Variants in BMP4 observed in about 807,000 individuals in gnomAD.
BMP4 encodes bone morphogenetic protein 2B.
BMP4 carries 3 observed loss-of-function variants against 29.6 expected under a neutral mutation model. The observed-to-expected ratio is 0.10, with a 90% CI of 0.05 to 0.26. The LOEUF is 0.26. Ranked by LOEUF, BMP4 falls within the 10% of genes least tolerant of loss-of-function variation. BMP4 has a pLI of 1.00. For missense variants in BMP4, 455 were observed against 550.2 expected (o/e 0.83, Z 1.73); for synonymous variants, 197 against 213.2 (o/e 0.92, Z 0.66).
chr14:53,952,045 T>A lies in BMP4; in HGVS notation c.178A>T (p.Thr60Ser), dbSNP rs1382742836. 6.2e-7 allele frequency: 1 copy of A among 1,614,090 alleles called. No homozygotes were observed. The highest frequency in any genetic ancestry group is 1.1e-5 in the South Asian group (1 of 91,090). ...SHELLRDFEA[T>S]LLQMFGLRRR... ...CGCAGCCCAAACATCTGCAGAAGTG[T>A]CGCCTCGAAGTCCCGCAGGAGCTCA... The change falls in exon 3 of 4, where the codon ACA (threonine) becomes TCA (serine). Residue 60 changes from threonine to serine, a missense_variant. Physicochemically the swap from Thr to Ser is moderately conservative, Grantham distance 58. Coordinates refer to ENST00000245451, the MANE Select transcript of BMP4 (RefSeq NM_001202.6).
At chr14:53,952,902 C>A (rs773128148) in intron 2 of BMP4, among the ~76,000 whole-genome samples, 10 of 152,132 alleles carry the variant, frequency 6.6e-5, no homozygotes, top group Non-Finnish European at 1.2e-4. Flanking sequence ...GAGACGATTC[C>A]GGAGAGACCT....
chr14:53,953,820 G>A (rs1254783726), intron 1 of BMP4, among the ~76,000 whole-genome samples: 1 of 152,022 alleles, frequency 6.6e-6, no homozygotes, highest in East Asian at 1.9e-4. Flanking sequence ...CGGCTTAAGT[G>A]GGGCCGGGAG....
chr14:53,951,955 GA>G lies in BMP4; in HGVS notation c.267del (p.Gln90SerfsTer28). The G allele has an allele frequency of 6.2e-7, 1 of 1,610,492 alleles. No homozygotes were observed. ...IPDYMRDLYR[L>X]QSGEEEEEQI... ...TGCTCTTCCTCCTCCTCCCCAGACT[GA>G]AGCCGGTAAAGATCCCGCATGTAGT... On this transcript the variant is annotated frameshift_variant, in exon 3 of 4. Coordinates refer to ENST00000245451, the MANE Select transcript of BMP4 (RefSeq NM_001202.6). LOFTEE classifies it high-confidence loss of function.
chr14:53,953,298 T>TAACA lies in BMP4; in HGVS notation c.-34_-31dup. The TAACA allele has an allele frequency of 2.5e-6, 1 of 399,060 alleles. No homozygotes were observed. The highest frequency in any genetic ancestry group is 4.4e-6 in the Non-Finnish European group (1 of 226,100). The allele number at this position is 399,060 out of a possible 1,614,324, so 24.7% of individuals were successfully genotyped here. On this transcript the variant is annotated 5_prime_UTR_variant, in exon 2 of 4. Coordinates refer to ENST00000245451, the MANE Select transcript of BMP4 (RefSeq NM_001202.6). ...CACTGACAGAAAACAAGGCATATAA[T>TAACA]AACAGTCCATGATTCTTGACAGCCA... is the stretch of plus-strand genomic sequence containing the variant.
chr14:53,949,971 T>A lies in BMP4; in HGVS notation c.*61A>T, dbSNP rs545335907. On this transcript the variant is annotated 3_prime_UTR_variant, in exon 4 of 4. Coordinates refer to ENST00000245451, the MANE Select transcript of BMP4 (RefSeq NM_001202.6). ...GTGAGTGGATGGGAACGTGTGTGTG[T>A]GGTGTATGTGGTGTGTGTGTGTGGT... The A allele has an allele frequency of 5.1e-5, 81 of 1,577,274 alleles. No individual in the cohort carries two copies. In the South Asian group the frequency reaches 8.3e-4, roughly 16 times the overall value.
In BMP4 at chr14:53,950,848, A is replaced by C; in HGVS notation, c.411T>G (p.Ala137=). 1 of 1,607,678 alleles carries C rather than the reference A, an allele frequency of 6.2e-7. No homozygotes were observed. The highest frequency in any genetic ancestry group is 8.5e-7 in the Non-Finnish European group (1 of 1,180,002). The change falls in exon 4 of 4, where the codon GCT becomes GCG. Residue 137 remains alanine (A), a synonymous_variant. Coordinates refer to ENST00000245451, the MANE Select transcript of BMP4 (RefSeq NM_001202.6). This position sits in a 1 kb window ranked among gnomAD's most constrained non-coding sequence, Gnocchi z 5.4. ...TGCTGAGGTTAAAGAGGAAACGAAA[A>C]GCAGAGTTTTCACTGGTCCCTGGGA... The part of the protein sequence containing the change: ...ENIPGTSENS[A]FRFLFNLSSI...
chr14:53,951,824 C>T, intron 3 of BMP4, 29 bp downstream of exon 3: 2 of 1,597,864 alleles, frequency 1.3e-6, no homozygotes, highest in Non-Finnish European at 1.7e-6. Context: ...ACCAGCCCTC[C>T]CCCACGCAGA....
At position 53,952,285 on chromosome 14, in the gene BMP4, G is replaced by A. The variant is rs1026422183; in HGVS notation, c.-7-56C>T. ...AGAATAAATAAACACCAATAAATAG[G>A]GAGAAATAGAGATGTGTCTGCATAT... On this transcript the variant is annotated intron_variant, in intron 2 of 3. Transcript: ENST00000245451. 120 of 1,580,778 alleles carry A rather than the reference G, an allele frequency of 7.6e-5. No homozygotes were observed. In the Middle Eastern group the frequency reaches 1.0e-3, roughly 13 times the overall value.
chr14:53,950,109 G>T lies in BMP4; in HGVS notation c.1150C>A (p.Leu384Met). ...ACCTTATCATACTCATCCAGGTACA[G>T]CATGGAGATGGCACTCAGTTCAGTG... Reference protein sequence around the residue: ...VPTELSAISMLYLDEYDKVVL... With the variant: ...VPTELSAISMMYLDEYDKVVL... The change falls in exon 4 of 4, where the codon CTG (leucine) becomes ATG (methionine). Residue 384 changes from leucine (L) to methionine (M), a missense_variant. By Grantham distance (15) the Leu-to-Met change is conservative. Transcript: ENST00000245451. The surrounding 1 kb of genome is among the most constrained non-coding windows in gnomAD (Gnocchi z 5.4). The T allele has an allele frequency of 2.5e-6, 4 of 1,614,162 alleles. No individual in the cohort carries two copies. The highest frequency in any genetic ancestry group is 3.4e-6 in the Non-Finnish European group (4 of 1,180,014).
Position 53,956,757 on chromosome 14 carries a change from A to C in BMP4, c.-340T>G. The C allele has an allele frequency of 2.5e-6, 1 of 399,752 alleles. No individual in the cohort carries two copies. Among genetic ancestry groups the C allele is most frequent in the Non-Finnish European group, 4.4e-6 (1 of 226,906 alleles). The allele number at this position is 399,752 out of a possible 1,614,324, so 24.8% of individuals were successfully genotyped here. On this transcript the variant is annotated 5_prime_UTR_variant, in exon 1 of 4. An upstream open reading frame in the 5' UTR loses its in-frame stop. Coordinates refer to ENST00000245451, the MANE Select transcript of BMP4 (RefSeq NM_001202.6). ...GTCCCTCAGCTCGGATGCCACACTC[A>C]CCTAGCTTCCGGGCCGGGCTCCGCG...
At chr14:53,952,509 CT>C (rs1248969192) in intron 2 of BMP4, among the ~76,000 whole-genome samples, 4 of 151,782 alleles carry the variant, frequency 2.6e-5, no homozygotes, top group Non-Finnish European at 5.9e-5. Flanking sequence ...TCCTGTTAAT[CT>C]TTTTTTGTCC....
rs76335800 is a variant in BMP4 at position 53,949,884 on chromosome 14, T to C, written c.*148A>G. On this transcript the variant is annotated 3_prime_UTR_variant, in exon 4 of 4. Coordinates refer to ENST00000245451, the MANE Select transcript of BMP4 (RefSeq NM_001202.6). Reference sequence around the variant, plus strand: ...AGGTGAATGTTTAGGGATTTTTTCCTTTTTTTTTTTTTTTTTTAAATAAAA... The same window carrying C: ...AGGTGAATGTTTAGGGATTTTTTCCCTTTTTTTTTTTTTTTTTAAATAAAA... The C allele has an allele frequency of 8.5e-5, 11 of 129,364 alleles. No individual in the cohort carries two copies. Among genetic ancestry groups the C allele is most frequent in the Non-Finnish European group, 1.2e-4 (10 of 86,018 alleles). 8.0% of individuals were successfully genotyped at this position (129,364 alleles called of 1,614,324 possible). A position where few individuals can be genotyped will look rare whatever the true frequency, so the allele number is the denominator to read the frequency against.
In BMP4 at chr14:53,950,051, T is replaced by A; in HGVS notation, c.1208A>T (p.Glu403Val). The A allele has an allele frequency of 6.2e-7, 1 of 1,614,164 alleles. No homozygotes were observed. Among genetic ancestry groups the A allele is most frequent in the Non-Finnish European group, 8.5e-7 (1 of 1,180,010 alleles). ...VLKNYQEMVVEGCGCR is the reference protein window; with the variant it reads ...VLKNYQEMVVVGCGCR ...CTGATCTCAGCGGCACCCACATCCC[T>A]CTACTACCATCTCCTGATAATTTTT... Residue 403 changes from glutamate (E) to valine (V), a missense_variant, in exon 4 of 4, where the codon GAG becomes GTG. Coordinates refer to ENST00000245451, the MANE Select transcript of BMP4 (RefSeq NM_001202.6). This position sits in a 1 kb window ranked among gnomAD's most constrained non-coding sequence, Gnocchi z 5.4.
At chr14:53,952,312 C>T in intron 2 of BMP4, 83 bp from the exon 3 acceptor site, 1 of 1,502,432 alleles carries the variant, frequency 6.7e-7, no homozygotes, top group African/African-American at 1.4e-5. Flanking sequence ...TCTGCATATG[C>T]ATTTAGGGCT....
rs1895450093 is a variant in BMP4 at position 53,951,998 on chromosome 14, C to T, written c.225G>A (p.Lys75=). ...FGLRRRPQPS[K]SAVIPDYMRD... ...GCATGTAGTCCGGAATGACGGCACT[C>T]TTGCTAGGCTGCGGGCGGCGGCGCA... Residue 75 remains lysine, a synonymous_variant, in exon 3 of 4, where the codon AAG becomes AAA. Coordinates refer to ENST00000245451, the MANE Select transcript of BMP4 (RefSeq NM_001202.6). The T allele has an allele frequency of 1.2e-6, 2 of 1,613,684 alleles. No individual in the cohort carries two copies. Among genetic ancestry groups the T allele is most frequent in the African/African-American group, 2.7e-5 (2 of 74,954 alleles).
Position 53,949,970 on chromosome 14 carries a change from G to T in BMP4, c.*62C>A. The T allele has an allele frequency of 6.3e-7, 1 of 1,576,116 alleles. No homozygotes were observed. The highest frequency in any genetic ancestry group is 1.1e-5 in the South Asian group (1 of 89,272). On this transcript the variant is annotated 3_prime_UTR_variant, in exon 4 of 4. Coordinates refer to ENST00000245451, the MANE Select transcript of BMP4 (RefSeq NM_001202.6). ...GGTGAGTGGATGGGAACGTGTGTGT[G>T]TGGTGTATGTGGTGTGTGTGTGTGG...
At chr14:53,953,547 C>T in intron 1 of BMP4, 147 bp from the exon 2 acceptor site, 1 of 384,202 alleles carries the variant, frequency 2.6e-6, no homozygotes, top group Non-Finnish European at 4.6e-6. Context: ...CACAGCCCCC[C>T]GCCCCTCGCG....
Position 53,955,746 on chromosome 14 carries a change from T to C in BMP4, c.-133+804A>G, listed in dbSNP as rs1895692430. The C allele has an allele frequency of 6.6e-6, 1 of 152,186 alleles. No individual in the cohort carries two copies. Among genetic ancestry groups the C allele is most frequent in the Non-Finnish European group, 1.5e-5 (1 of 68,074 alleles). 9.4% of individuals were successfully genotyped at this position (152,186 alleles called of 1,614,324 possible). A position where few individuals can be genotyped will look rare whatever the true frequency, so the allele number is the denominator to read the frequency against. On this transcript the variant is annotated intron_variant, in intron 1 of 3. Coordinates refer to ENST00000245451, the MANE Select transcript of BMP4 (RefSeq NM_001202.6). This position sits in a 1 kb window ranked among gnomAD's most constrained non-coding sequence, Gnocchi z 4.0. ...CAGGGACTCGGGAATCACGGGAACC[T>C]TTCCCGTCGGTTCCGGGCCTGGAGG...
chr14:53,952,807 G>A (rs888240204), intron 2 of BMP4, among the ~76,000 whole-genome samples: 1 of 152,168 alleles, frequency 6.6e-6, no homozygotes, highest in Non-Finnish European at 1.5e-5. Context: ...GGTGGCTTGA[G>A]GGCTTATTTT....
Sources: allele counts gnomAD v4.1 joint callset (sites outside exome capture counted in the v4.1 genomes callset), GRCh38; gene constraint gnomAD v4.1.1; non-coding constraint Gnocchi (gnomAD v3.1); transcripts MANE v1.5; gene names NCBI Gene and HGNC (gene_info 2026-07-23, HGNC 2026-07-21).